Variants in STK32B observed in about 807,000 individuals in gnomAD.
STK32B encodes serine/threonine-protein kinase 32B.
A neutral mutation model predicts 52.6 loss-of-function variants in STK32B; 43 were observed. The observed-to-expected ratio is 0.82, with a 90% CI of 0.64 to 1.05. The LOEUF is 1.05. Among genes scored for constraint, STK32B ranks in the 50% least tolerant of loss-of-function variants. The pLI, the probability that STK32B is intolerant of heterozygous loss-of-function variation, is 0.00. For synonymous variants in STK32B, 238 were observed against 204.3 expected, an observed-to-expected ratio of 1.17 and a Z score of -1.41; for missense variants, 621 against 534.6, an observed-to-expected ratio of 1.16 and a Z score of -1.59.
rs1235627733 is a variant in STK32B, at chr4:5,493,046, T to C, written c.1107-5899T>C. On this transcript the variant is annotated intron_variant, in intron 11 of 11. Transcript: ENST00000282908. ...GATATTGGTCTAAAATTCTCTTTTATGGTTGTGTCTCTGCCTGGCTTTGGT... is the reference window on the plus strand; with the variant it reads ...GATATTGGTCTAAAATTCTCTTTTACGGTTGTGTCTCTGCCTGGCTTTGGT... Among the ~76,000 whole-genome samples the C allele has an allele frequency of 1.8e-4, 27 of 151,484 alleles. 3 individuals carry two copies. Among genetic ancestry groups the C allele is most frequent in the African/African-American group, 6.6e-4 (27 of 40,720 alleles).
chr4:5,249,819 A>G (rs1426695210), intron 3 of STK32B, among the ~76,000 whole-genome samples: 1 of 151,992 alleles, frequency 6.6e-6, no homozygotes, highest in Non-Finnish European at 1.5e-5. Flanking sequence ...ATATAGGTAA[A>G]TTGCATGTCA....
chr4:5,184,473 A>G (rs546859726), intron 3 of STK32B, among the ~76,000 whole-genome samples: 1 of 152,152 alleles, frequency 6.6e-6, no homozygotes, highest in Non-Finnish European at 1.5e-5. Context: ...GGATCCCTTG[A>G]GGTCAGGAGT....
chr4:5,184,102 G>A (rs182102496), intron 3 of STK32B, among the ~76,000 whole-genome samples: 19 of 152,198 alleles, frequency 1.2e-4, no homozygotes, highest in African/African-American at 4.3e-4. Context: ...CTAACTGCTC[G>A]GCAAAAGAAC....
At chr4:5,032,274 G>A in the STK32B span, among the ~76,000 whole-genome samples, 1 of 151,522 alleles carries the variant, frequency 6.6e-6, no homozygotes, top group Non-Finnish European at 1.5e-5. Context: ...AGGAGTTCGA[G>A]AGCAGTCTGG....
intron 4 of STK32B, among the ~76,000 whole-genome samples, chr4:5,362,563 T>C (rs2109000562): frequency 6.6e-6 from 1 of 152,274 alleles, no homozygotes; most frequent in Admixed American, 6.5e-5. Flanking sequence ...AATGGGATGA[T>C]GGAACAGCCC....
At chr4:5,040,724 T>C in the STK32B span, among the ~76,000 whole-genome samples, 1 of 152,146 alleles carries the variant, frequency 6.6e-6, no homozygotes, top group East Asian at 1.9e-4. Flanking sequence ...TCCTGCCCTG[T>C]AGGCCACACA....
In STK32B at chr4:5,453,017, A is replaced by G. The variant is rs1716144909; in HGVS notation, c.667-3790A>G. Among the ~76,000 whole-genome samples the G allele has an allele frequency of 6.6e-6, 1 of 152,132 alleles. No homozygotes were observed. Among genetic ancestry groups the G allele is most frequent in the Non-Finnish European group, 1.5e-5 (1 of 68,040 alleles). ...TATTTGCCAGTCATCTTATAAAAGAACCTACGTTTCTCTACAACCACTCAA... is the reference window on the plus strand; with the variant it reads ...TATTTGCCAGTCATCTTATAAAAGAGCCTACGTTTCTCTACAACCACTCAA... On this transcript the variant is annotated intron_variant, in intron 7 of 11. Coordinates refer to ENST00000282908, the MANE Select transcript of STK32B (RefSeq NM_018401.3). This position sits in a 1 kb window ranked among gnomAD's most constrained non-coding sequence, Gnocchi z 4.0.
intron 4 of STK32B, among the ~76,000 whole-genome samples, chr4:5,371,081 T>G (rs912607596): frequency 2.0e-5 from 3 of 151,750 alleles, no homozygotes; most frequent in Non-Finnish European, 2.9e-5. Flanking sequence ...CTTGTTAAAA[T>G]GGTAGGGAAG....
At position 5,499,177 on chromosome 4, in the gene STK32B, C is replaced by G; in HGVS notation, c.*94C>G. 2 of 1,431,776 alleles carry G rather than the reference C, an allele frequency of 1.4e-6. No individual in the cohort carries two copies. Among genetic ancestry groups the G allele is most frequent in the South Asian group, 1.5e-5 (1 of 64,572 alleles). The allele number at this position is 1,431,776 out of a possible 1,614,324, so 88.7% of individuals were successfully genotyped here. A position where few individuals can be genotyped will look rare whatever the true frequency, so the allele number is the denominator to read the frequency against. ...TGCCCTGATGGTCCCTGTCTCACCC[C>G]TGAAAACATCAGATGCAGAAAAAGC... On this transcript the variant is annotated 3_prime_UTR_variant, in exon 12 of 12. Transcript: ENST00000282908.
chr4:5,450,977 T>C (rs1406755138), intron 7 of STK32B, among the ~76,000 whole-genome samples: 1 of 152,204 alleles, frequency 6.6e-6, no homozygotes, highest in East Asian at 1.9e-4. Context: ...TCTGTGCTTC[T>C]TGGTGTTGTG....
chr4:5,339,598 A>G (rs963398840), intron 4 of STK32B, among the ~76,000 whole-genome samples: 1 of 152,166 alleles, frequency 6.6e-6, no homozygotes, highest in African/African-American at 2.4e-5. Context: ...CCGTATTTAT[A>G]CCCTCAGATG....
intron 1 of STK32B, chr4:5,127,272 G>A: frequency 4.8e-6 from 2 of 416,008 alleles, no homozygotes; most frequent in Admixed American, 2.6e-5. Flanking sequence ...ACCACATTAA[G>A]TACTTAAACA....
At chr4:5,163,571 TGTGTGTGTGTAA>T (rs1718620296) in intron 2 of STK32B, among the ~76,000 whole-genome samples, 4 of 148,628 alleles carry the variant, frequency 2.7e-5, no homozygotes, top group African/African-American at 7.6e-5. Context: ...TGTGTGTGTG[TGTGTGTGTGTAA>T]GAGAGAGAGA....
chr4:5,444,289 G>T (rs910103733), intron 6 of STK32B, among the ~76,000 whole-genome samples: 1 of 152,240 alleles, frequency 6.6e-6, no homozygotes, highest in Non-Finnish European at 1.5e-5. Context: ...TCAGGTGCGG[G>T]ATATAATCTT....
At chr4:5,059,035 G>A (rs887951716) in intron 1 of STK32B, among the ~76,000 whole-genome samples, 2 of 135,596 alleles carry the variant, frequency 1.5e-5, no homozygotes, top group African/African-American at 5.3e-5. Context: ...ACAGGCGTGA[G>A]CCACCACGCC....
intron 3 of STK32B, among the ~76,000 whole-genome samples, chr4:5,329,226 T>C (rs1358617519): frequency 6.6e-6 from 1 of 152,114 alleles, no homozygotes; most frequent in East Asian, 1.9e-4. Context: ...TGTGAGTCTC[T>C]GATAGGAGAC....
chr4:5,293,411 G>A (rs983740545), intron 3 of STK32B, among the ~76,000 whole-genome samples: 1 of 152,108 alleles, frequency 6.6e-6, no homozygotes, highest in Non-Finnish European at 1.5e-5. Flanking sequence ...CACCAACAGT[G>A]TAAAAGCGTT....
At chr4:5,300,324 C>T (rs1161418799) in intron 3 of STK32B, among the ~76,000 whole-genome samples, 1 of 152,150 alleles carries the variant, frequency 6.6e-6, no homozygotes, top group Non-Finnish European at 1.5e-5. Context: ...CAGCCAACAT[C>T]ATACTGAGCA....
intron 3 of STK32B, among the ~76,000 whole-genome samples, chr4:5,298,654 C>G (rs1421170397): frequency 1.3e-5 from 2 of 152,094 alleles, no homozygotes; most frequent in African/African-American, 4.8e-5. Context: ...GTTTGAGCAT[C>G]ACAGGTATTG....
Sources: allele counts gnomAD v4.1 joint callset (sites outside exome capture counted in the v4.1 genomes callset), GRCh38; gene constraint gnomAD v4.1.1; non-coding constraint Gnocchi (gnomAD v3.1); transcripts MANE v1.5; gene names NCBI Gene and HGNC (gene_info 2026-07-23, HGNC 2026-07-21).